LAMC3: variants seen among roughly 807,000 people sequenced by gnomAD.
LAMC3 encodes laminin subunit gamma-3.
A neutral mutation model predicts 173.8 loss-of-function variants in LAMC3; 128 were observed. The ratio of observed to expected loss-of-function variants is 0.74; its 90% CI spans 0.64 to 0.85. The LOEUF is 0.85. Ranked by LOEUF, LAMC3 falls within the 40% of genes least tolerant of loss-of-function variation. LAMC3 has a pLI of 0.00. For synonymous variants in LAMC3, 897 were observed against 909.1 expected (o/e 0.99, Z 0.24); for missense variants, 2,022 against 2,156.0 (o/e 0.94, Z 1.23).
chr9:131,079,053 C>T (rs777590835), intron 22 of LAMC3, 96 bp from the exon 23 acceptor site: 6 of 1,490,982 alleles, frequency 4.0e-6, no homozygotes, highest in Non-Finnish European at 4.6e-6. Context: ...GGGGCAGACC[C>T]GCCGCCTCAG....
At chr9:131,033,374 A>T (rs1472278694) in intron 3 of LAMC3, among the ~76,000 whole-genome samples, 2 of 152,178 alleles carry the variant, frequency 1.3e-5, no homozygotes, top group Non-Finnish European at 2.9e-5. Context: ...CCGCTCCAGG[A>T]TGACAAGGAA....
At chr9:131,023,185 A>G (rs1833658375) in intron 1 of LAMC3, among the ~76,000 whole-genome samples, 1 of 152,220 alleles carries the variant, frequency 6.6e-6, no homozygotes, top group African/African-American at 2.4e-5. Flanking sequence ...GTTGCTGGGC[A>G]TTGGAGTTGT....
At chr9:131,057,429 C>T (rs776327667) in intron 12 of LAMC3, among the ~76,000 whole-genome samples, 3 of 152,206 alleles carry the variant, frequency 2.0e-5, no homozygotes, top group Non-Finnish European at 2.9e-5. Flanking sequence ...CATCTGTCCG[C>T]GCCACCTTCT....
At chr9:131,065,503 A>G (rs2133308220) in intron 13 of LAMC3, among the ~76,000 whole-genome samples, 1 of 152,378 alleles carries the variant, frequency 6.6e-6, no homozygotes, top group East Asian at 1.9e-4. Context: ...GGAGAAGCAG[A>G]TGAATGACAT....
intron 8 of LAMC3, among the ~76,000 whole-genome samples, chr9:131,047,819 C>T (rs61297867): frequency 5.3e-5 from 8 of 151,234 alleles, no homozygotes; most frequent in Non-Finnish European, 8.9e-5. Flanking sequence ...GCCGAGATCG[C>T]GCCACTGCAC....
rs139585348 is a variant in LAMC3, at chr9:131,055,784, C to T, written c.1940-1145C>T. 1.1e-4 allele frequency among the ~76,000 whole-genome samples: 17 copies of T among 151,788 alleles called. No homozygotes were observed. The East Asian group carries it at 3.1e-3, about 28-fold the overall frequency. The stretch of plus-strand genomic sequence containing the variant: ...TTAAAATGTACACATTATAGTTGAT[C>T]TAAATACAAGATGTTCACTTTCCTT... On this transcript the variant is annotated intron_variant, in intron 11 of 27. Transcript: ENST00000361069.
intron 12 of LAMC3, among the ~76,000 whole-genome samples, chr9:131,058,618 G>A (rs1047568859): frequency 3.3e-5 from 5 of 152,072 alleles, no homozygotes; most frequent in African/African-American, 9.7e-5. Flanking sequence ...CGGTAGCCAG[G>A]CGTGGTGGCT....
chr9:131,087,841 C>T (rs756487713), intron 27 of LAMC3, 24 bp downstream of exon 27: 16 of 1,597,918 alleles, frequency 1.0e-5, no homozygotes, highest in African/African-American at 1.3e-5. Context: ...AAGGCTGGGC[C>T]CTGAACCCCT....
chr9:131,017,145 A>G (rs938093360), intron 1 of LAMC3, among the ~76,000 whole-genome samples: 1 of 152,096 alleles, frequency 6.6e-6, no homozygotes. Context: ...GCTGGCCCAG[A>G]TGTGTATTCG....
Position 131,032,192 on chromosome 9 carries a change from A to C in LAMC3, c.809+17A>C. On this transcript the variant is annotated intron_variant, in intron 3 of 27. Transcript: ENST00000361069. ...GGGCGGCAGGTAGGAGGGAGGAGGGAGGCAGGGTGGCAGGGCTCCAGGACC... is the reference window on the plus strand; with the variant it reads ...GGGCGGCAGGTAGGAGGGAGGAGGGCGGCAGGGTGGCAGGGCTCCAGGACC... 1.4e-6 allele frequency: 2 copies of C among 1,386,766 alleles called. No homozygotes were observed. The highest frequency in any genetic ancestry group is 1.9e-6 in the Non-Finnish European group (2 of 1,038,488). The allele number at this position is 1,386,766 out of a possible 1,614,324, so 85.9% of individuals were successfully genotyped here. A position where few individuals can be genotyped will look rare whatever the true frequency, so the allele number is the denominator to read the frequency against.
At chr9:131,075,760 G>A in intron 20 of LAMC3, 71 bp from the exon 21 acceptor site, 2 of 1,522,260 alleles carry the variant, frequency 1.3e-6, no homozygotes, top group Non-Finnish European at 1.8e-6. Flanking sequence ...GTGTAGTAGG[G>A]GGCGTAGTTC....
chr9:131,045,396 G>GA lies in LAMC3; in HGVS notation c.1383-120dup, dbSNP rs200935188. The GA allele has an allele frequency of 2.7e-3, 2,839 of 1,070,028 alleles. 52 individuals carry two copies. In the African/African-American group the frequency reaches 0.038, roughly 14 times the overall value. The allele number at this position is 1,070,028 out of a possible 1,614,324, so 66.3% of individuals were successfully genotyped here. ...GTTCTTACTACTCTTCTAGAATTCT[G>GA]AAAAAAAATTGTTTTTAAGTTTCTG... On this transcript the variant is annotated intron_variant, in intron 7 of 27. Coordinates refer to ENST00000361069, the MANE Select transcript of LAMC3 (RefSeq NM_006059.4).
intron 4 of LAMC3, among the ~76,000 whole-genome samples, chr9:131,036,884 G>A (rs1055034439): frequency 6.6e-6 from 1 of 152,206 alleles, no homozygotes; most frequent in Admixed American, 6.5e-5. Context: ...GCCCCACCCT[G>A]TCCCCAGACA....
chr9:131,031,158 C>T (rs1833816324), intron 2 of LAMC3, among the ~76,000 whole-genome samples: 1 of 152,258 alleles, frequency 6.6e-6, no homozygotes, highest in Non-Finnish European at 1.5e-5. Flanking sequence ...AAAAGATGGC[C>T]TGCCAGGAGC....
chr9:131,077,030 G>A (rs1485063216), intron 21 of LAMC3, among the ~76,000 whole-genome samples, 157 bp from the exon 22 acceptor site: 1 of 152,244 alleles, frequency 6.6e-6, no homozygotes, highest in African/African-American at 2.4e-5. Context: ...CAGAGAAGCA[G>A]CCACTTTCCG....
chr9:131,089,124 A>C (rs906210822), intron 27 of LAMC3, among the ~76,000 whole-genome samples: 7 of 135,942 alleles, frequency 5.1e-5, no homozygotes, highest in Non-Finnish European at 9.2e-5. Context: ...GAATTGAACA[A>C]TGAGAACACT....
intron 12 of LAMC3, among the ~76,000 whole-genome samples, chr9:131,059,421 G>A (rs1480696703): frequency 6.8e-6 from 1 of 147,884 alleles, no homozygotes; most frequent in Non-Finnish European, 1.5e-5. Flanking sequence ...GAACCCAGGG[G>A]GCGGAGGTTG....
At chr9:131,061,260 G>A in intron 13 of LAMC3, 37 bp downstream of exon 13, 1 of 1,557,556 alleles carries the variant, frequency 6.4e-7, no homozygotes, top group Non-Finnish European at 8.7e-7. Flanking sequence ...GCCCCGCAGA[G>A]GGCCAAGCCC....
rs1412576596 is a variant in LAMC3, at chr9:131,091,984, C to G, written c.*197C>G. The G allele has an allele frequency of 6.1e-6, 4 of 657,844 alleles. No individual in the cohort carries two copies. The highest frequency in any genetic ancestry group is 1.0e-5 in the Non-Finnish European group (4 of 383,386). The allele number at this position is 657,844 out of a possible 1,614,324, so 40.8% of individuals were successfully genotyped here. A position where few individuals can be genotyped will look rare whatever the true frequency, so the allele number is the denominator to read the frequency against. The stretch of plus-strand genomic sequence containing the variant: ...GCCAGCAGGACTGAGTGTGCGTACC[C>G]AGTTCACCTGGACATGAGTGCACAC... On this transcript the variant is annotated 3_prime_UTR_variant, in exon 28 of 28. Coordinates refer to ENST00000361069, the MANE Select transcript of LAMC3 (RefSeq NM_006059.4).
Sources: gnomAD v4.1 joint callset for allele counts (sites outside exome capture counted in the v4.1 genomes callset) on GRCh38, gnomAD v4.1.1 for gene constraint, MANE v1.5 for transcripts, NCBI Gene and HGNC (gene_info 2026-07-23, HGNC 2026-07-21) for gene names.